The following SDK2 variants were observed in gnomAD, a reference collection of about 807,000 sequenced individuals.
SDK2 encodes protein sidekick-2.
A neutral mutation model predicts 253.9 loss-of-function variants in SDK2; 105 were observed. That is an observed-to-expected ratio of 0.41 (90% CI 0.35 to 0.49). The LOEUF is 0.49. SDK2 is among the 20% of genes least tolerant of loss of function. SDK2 has a pLI of 0.06. For missense variants in SDK2, 2,608 were observed against 3,003.0 expected, an observed-to-expected ratio of 0.87 and a Z score of 3.07; for synonymous variants, 1,249 against 1,234.9, an observed-to-expected ratio of 1.01 and a Z score of -0.24.
intron 1 of SDK2, among the ~76,000 whole-genome samples, chr17:73,576,104 G>C (rs902806456): frequency 2.0e-5 from 3 of 152,210 alleles, no homozygotes; most frequent in Non-Finnish European, 4.4e-5. Context: ...AAATTCTCGA[G>C]GCAAAAGGGG....
rs556422990 is a variant in SDK2, at chr17:73,408,293, C to T, written c.2485-6152G>A. Among the ~76,000 whole-genome samples the T allele has an allele frequency of 8.5e-4, 128 of 150,946 alleles. 1 individual carries two copies. Among genetic ancestry groups the T allele is most frequent in the Middle Eastern group, 6.8e-3 (2 of 294 alleles). ...AGTGCAGTGGTGCGATCTCAGCTCACGGCAACCTCTGCCTCCCGGGTTCAC... is the reference window on the plus strand; with the variant it reads ...AGTGCAGTGGTGCGATCTCAGCTCATGGCAACCTCTGCCTCCCGGGTTCAC... On this transcript the variant is annotated intron_variant, in intron 18 of 44. Transcript: ENST00000392650.
rs958001339 is a variant in SDK2, at chr17:73,402,254, G to A, written c.2485-113C>T. ...ATGGTGTCCGGGGACCGGAGTCCCT[G>A]TGGTGCCTCCTCCGAGGGAAGGGAC... On this transcript the variant is annotated intron_variant, in intron 18 of 44. Transcript: ENST00000392650. The A allele has an allele frequency of 7.1e-6, 8 of 1,133,102 alleles. No individual in the cohort carries two copies. The African/African-American group carries it at 1.2e-4, about 17-fold the overall frequency. The allele number at this position is 1,133,102 out of a possible 1,614,324, so 70.2% of individuals were successfully genotyped here. A position where few individuals can be genotyped will look rare whatever the true frequency, so the allele number is the denominator to read the frequency against.
chr17:73,586,154 A>G (rs530450912), intron 1 of SDK2, among the ~76,000 whole-genome samples: 1 of 152,270 alleles, frequency 6.6e-6, no homozygotes, highest in South Asian at 2.1e-4. Flanking sequence ...AAGGCCTGGC[A>G]TATAGCAAGC....
chr17:73,542,818 A>T (rs969820631), intron 1 of SDK2, among the ~76,000 whole-genome samples: 1 of 152,138 alleles, frequency 6.6e-6, no homozygotes, highest in Non-Finnish European at 1.5e-5. Context: ...AACACAAAAT[A>T]TCAAATATAA....
chr17:73,611,725 C>A (rs1404880741), intron 1 of SDK2, among the ~76,000 whole-genome samples: 2 of 152,220 alleles, frequency 1.3e-5, no homozygotes, highest in Non-Finnish European at 2.9e-5. Context: ...CCCACCCCAG[C>A]TCTGTAAGGC....
At chr17:73,552,278 A>G (rs550299580) in intron 1 of SDK2, among the ~76,000 whole-genome samples, 2 of 152,372 alleles carry the variant, frequency 1.3e-5, no homozygotes, top group African/African-American at 4.8e-5. Context: ...TAATTTAACG[A>G]CACATTTTTT....
intron 36 of SDK2, among the ~76,000 whole-genome samples, chr17:73,378,913 A>G (rs2062807149): frequency 6.6e-6 from 1 of 152,118 alleles, no homozygotes; most frequent in Non-Finnish European, 1.5e-5. Context: ...AGGGATGGCT[A>G]GAGTTTCTTG....
At position 73,455,880 on chromosome 17, in the gene SDK2, C is replaced by T; in HGVS notation, c.479+26G>A. On this transcript the variant is annotated intron_variant, in intron 4 of 44. Coordinates refer to ENST00000392650, the MANE Select transcript of SDK2 (RefSeq NM_001144952.2). The surrounding 1 kb of genome is among the most constrained non-coding windows in gnomAD (Gnocchi z 5.0). Reference sequence around the variant, plus strand: ...CCTCCCCCAGACACCCCTCCCCTCCCCGTCCCCTCAGAGCGATGCACTCAC... The same window carrying T: ...CCTCCCCCAGACACCCCTCCCCTCCTCGTCCCCTCAGAGCGATGCACTCAC... 6.6e-7 allele frequency: 1 copy of T among 1,523,812 alleles called. No homozygotes were observed. The highest frequency in any genetic ancestry group is 8.8e-7 in the Non-Finnish European group (1 of 1,136,818). The allele number at this position is 1,523,812 out of a possible 1,614,324, so 94.4% of individuals were successfully genotyped here. A position where few individuals can be genotyped will look rare whatever the true frequency, so the allele number is the denominator to read the frequency against.
chr17:73,567,706 G>A (rs1037920378), intron 1 of SDK2, among the ~76,000 whole-genome samples: 2 of 152,266 alleles, frequency 1.3e-5, no homozygotes, highest in African/African-American at 4.8e-5. Flanking sequence ...ATGGAGTCAA[G>A]AGAGATTATT....
Position 73,609,928 on chromosome 17 carries a change from G to A in SDK2, c.64+34097C>T, listed in dbSNP as rs774062027. On this transcript the variant is annotated intron_variant, in intron 1 of 44. Transcript: ENST00000392650. This position sits in a 1 kb window ranked among gnomAD's most constrained non-coding sequence, Gnocchi z 4.4. ...AGACAAAAACAGCTCACTGGAGCAA[G>A]GGCTGGGACTGGTAGTAGGTGCGGA... 2.0e-5 allele frequency among the ~76,000 whole-genome samples: 3 copies of A among 152,234 alleles called. No homozygotes were observed. The highest frequency in any genetic ancestry group is 2.9e-5 in the Non-Finnish European group (2 of 68,036).
intron 39 of SDK2, among the ~76,000 whole-genome samples, chr17:73,359,670 C>T (rs144170479): frequency 3.3e-4 from 50 of 152,244 alleles, no homozygotes; most frequent in African/African-American, 1.2e-3. Context: ...TTTTGAGACA[C>T]GTTCTCACTC....
At chr17:73,440,668 C>T (rs2063408238) in intron 6 of SDK2, 144 bp downstream of exon 6, 2 of 688,864 alleles carry the variant, frequency 2.9e-6, no homozygotes, top group African/African-American at 1.8e-5. Context: ...CCTCTGACAA[C>T]AGCCAGCAGG....
rs1451110127 is a variant in SDK2, at chr17:73,643,307, G to A, written c.64+718C>T. Among the ~76,000 whole-genome samples, 1 of 152,220 alleles carries A rather than the reference G, an allele frequency of 6.6e-6. No homozygotes were observed. The highest frequency in any genetic ancestry group is 1.5e-5 in the Non-Finnish European group (1 of 68,028). Reference sequence around the variant, plus strand: ...CGAGCGGCTGCACAGACTATCGAGCGAACAGCGGAGGCTGGAGGCAGGGGC... The same window carrying A: ...CGAGCGGCTGCACAGACTATCGAGCAAACAGCGGAGGCTGGAGGCAGGGGC... On this transcript the variant is annotated intron_variant, in intron 1 of 44. Transcript: ENST00000392650. The surrounding 1 kb of genome is among the most constrained non-coding windows in gnomAD (Gnocchi z 6.9).
chr17:73,490,077 G>A (rs1238859280), intron 2 of SDK2, among the ~76,000 whole-genome samples: 3 of 152,112 alleles, frequency 2.0e-5, no homozygotes, highest in East Asian at 1.9e-4. Context: ...CTTCCTCCAC[G>A]ACTGAGCACC....
rs1378618210 is a variant in SDK2 at position 73,467,989 on chromosome 17, C to A, written c.331+4123G>T. On this transcript the variant is annotated intron_variant, in intron 3 of 44. Transcript: ENST00000392650. The surrounding 1 kb of genome is among the most constrained non-coding windows in gnomAD (Gnocchi z 4.1). Reference sequence around the variant, plus strand: ...GCCAGGGGCCTTACCCATATGTGCACAGCTGGGCAGCACAGCATGGTCCTG... The same window carrying A: ...GCCAGGGGCCTTACCCATATGTGCAAAGCTGGGCAGCACAGCATGGTCCTG... Among the ~76,000 whole-genome samples, 1 of 152,206 alleles carries A rather than the reference C, an allele frequency of 6.6e-6. No homozygotes were observed. Among genetic ancestry groups the A allele is most frequent in the Non-Finnish European group, 1.5e-5 (1 of 68,032 alleles).
chr17:73,412,156 A>G (rs969448734), intron 18 of SDK2, among the ~76,000 whole-genome samples: 11 of 92,608 alleles, frequency 1.2e-4, no homozygotes, highest in African/African-American at 1.6e-4. Context: ...ATATATACGT[A>G]TATATGTATA....
At chr17:73,504,631 C>CAAAAAA (rs146981971) in intron 2 of SDK2, among the ~76,000 whole-genome samples, 15 of 47,010 alleles carry the variant, frequency 3.2e-4, no homozygotes, top group East Asian at 6.8e-4. Context: ...GACTCTGTCT[C>CAAAAAA]AAAAAAAAAA....
intron 21 of SDK2, among the ~76,000 whole-genome samples, chr17:73,400,601 G>A (rs2063014339): frequency 1.3e-5 from 2 of 152,160 alleles, no homozygotes; most frequent in African/African-American, 4.8e-5. Flanking sequence ...CAGCACAAGG[G>A]AAGGGGAGAG....
chr17:73,529,792 C>T (rs1349933953), intron 1 of SDK2, among the ~76,000 whole-genome samples: 1 of 152,206 alleles, frequency 6.6e-6, no homozygotes, highest in Non-Finnish European at 1.5e-5. Flanking sequence ...TCCCTCAGCA[C>T]CTCCAGAAGG....
Sources: gnomAD v4.1 joint callset for allele counts (sites outside exome capture counted in the v4.1 genomes callset) on GRCh38, gnomAD v4.1.1 for gene constraint, Gnocchi (gnomAD v3.1) non-coding constraint, MANE v1.5 for transcripts, NCBI Gene and HGNC (gene_info 2026-07-23, HGNC 2026-07-21) for gene names.